Variants in HS3ST4 observed in about 807,000 individuals in gnomAD.
HS3ST4 encodes the protein heparan sulfate-glucosamine 3-sulfotransferase 4.
HS3ST4 carries 17 observed loss-of-function variants against 29.2 expected under a neutral mutation model. The observed-to-expected ratio is 0.58, with a 90% CI of 0.40 to 0.87. HS3ST4 has a LOEUF of 0.87. HS3ST4 is among the 40% of genes least tolerant of loss of function. The pLI is 0.00. For synonymous variants in HS3ST4, 314 were observed against 285.7 expected (o/e 1.10, Z -1.00); for missense variants, 627 against 634.5 (o/e 0.99, Z 0.13).
chr16:25,873,723 T>G (rs953133491), intron 1 of HS3ST4, among the ~76,000 whole-genome samples: 3 of 151,746 alleles, frequency 2.0e-5, no homozygotes, highest in African/African-American at 7.3e-5. Flanking sequence ...CATCTATCCA[T>G]CCATCCAGCT....
intron 1 of HS3ST4, among the ~76,000 whole-genome samples, chr16:25,843,541 A>G (rs1386258818): frequency 6.6e-6 from 1 of 152,190 alleles, no homozygotes; most frequent in Non-Finnish European, 1.5e-5. Flanking sequence ...GGAGGAAGCT[A>G]TATTTGGGCA....
intron 1 of HS3ST4, among the ~76,000 whole-genome samples, chr16:25,744,354 A>G (rs1400753396): frequency 1.3e-5 from 2 of 152,216 alleles, no homozygotes; most frequent in Non-Finnish European, 1.5e-5. Flanking sequence ...GTCACCTAGT[A>G]CACTGGATAA....
At chr16:26,003,033 G>T (rs756114482) in intron 1 of HS3ST4, among the ~76,000 whole-genome samples, 1 of 151,286 alleles carries the variant, frequency 6.6e-6, no homozygotes, top group Non-Finnish European at 1.5e-5. Flanking sequence ...GTTTTGACAC[G>T]CTTGGCAGGT....
At chr16:25,758,996 A>G (rs1966773945) in intron 1 of HS3ST4, among the ~76,000 whole-genome samples, 1 of 151,574 alleles carries the variant, frequency 6.6e-6, no homozygotes, top group African/African-American at 2.4e-5. Context: ...AAACCCCAGA[A>G]AAACAAAAAA....
intron 1 of HS3ST4, among the ~76,000 whole-genome samples, chr16:26,042,231 G>A (rs1212455008): frequency 6.6e-6 from 1 of 152,172 alleles, no homozygotes; most frequent in Non-Finnish European, 1.5e-5. Context: ...AAGAAAGAAA[G>A]CTATCCCTTC....
intron 1 of HS3ST4, among the ~76,000 whole-genome samples, chr16:25,857,892 T>TTCTTTTTCTTTC (rs746061513): frequency 1.2e-5 from 1 of 82,684 alleles, no homozygotes; most frequent in Non-Finnish European, 2.5e-5. Context: ...CTTTCTTTCT[T>TTCTTTTTCTTTC]TTTCTTTCTT....
At chr16:25,822,691 G>A (rs1296349386) in intron 1 of HS3ST4, among the ~76,000 whole-genome samples, 2 of 152,054 alleles carry the variant, frequency 1.3e-5, no homozygotes, top group African/African-American at 4.8e-5. Flanking sequence ...CATATTTGGA[G>A]GGTGGGTGGG....
intron 1 of HS3ST4, among the ~76,000 whole-genome samples, chr16:26,018,934 A>G (rs1969386091): frequency 6.6e-6 from 1 of 151,746 alleles, no homozygotes; most frequent in African/African-American, 2.4e-5. Flanking sequence ...GTTCTTGATC[A>G]TCTTTCAGTT....
intron 1 of HS3ST4, among the ~76,000 whole-genome samples, chr16:25,786,196 G>A (rs531455166): frequency 8.5e-5 from 13 of 152,278 alleles, no homozygotes; most frequent in African/African-American, 2.2e-4. Context: ...GCATTATTGC[G>A]CAGGGTAGAA....
chr16:25,884,099 G>A (rs1205976751), intron 1 of HS3ST4, among the ~76,000 whole-genome samples: 1 of 151,660 alleles, frequency 6.6e-6, no homozygotes. Context: ...GGTGACAAGA[G>A]CGAGACTCTG....
At chr16:25,771,300 A>T (rs558194657) in intron 1 of HS3ST4, among the ~76,000 whole-genome samples, 15 of 152,242 alleles carry the variant, frequency 9.9e-5, no homozygotes, top group African/African-American at 3.6e-4. Context: ...GACTTGGTAG[A>T]GTAGGGCCAA....
At chr16:25,715,758 G>A (rs1966449975) in intron 1 of HS3ST4, among the ~76,000 whole-genome samples, 1 of 152,216 alleles carries the variant, frequency 6.6e-6, no homozygotes, top group Admixed American at 6.5e-5. Context: ...GACAGATGGA[G>A]ATGCCCTCAG....
At chr16:26,089,704 G>T (rs892485736) in intron 1 of HS3ST4, among the ~76,000 whole-genome samples, 11 of 152,168 alleles carry the variant, frequency 7.2e-5, no homozygotes, top group African/African-American at 2.2e-4. Flanking sequence ...GTCACTTAAG[G>T]CCCGTTGTTT....
At chr16:26,091,307 T>C (rs955517867) in intron 1 of HS3ST4, among the ~76,000 whole-genome samples, 6 of 152,184 alleles carry the variant, frequency 3.9e-5, no homozygotes, top group African/African-American at 7.2e-5. Context: ...GGTGTGTTGT[T>C]GGATAGATTA....
At chr16:25,849,699 G>T (rs1317580597) in intron 1 of HS3ST4, among the ~76,000 whole-genome samples, 1 of 152,038 alleles carries the variant, frequency 6.6e-6, no homozygotes, top group East Asian at 1.9e-4. Flanking sequence ...TAGAGACGGG[G>T]TCTCACCATG....
chr16:26,102,698 C>A (rs913756550), intron 1 of HS3ST4, among the ~76,000 whole-genome samples: 6 of 152,176 alleles, frequency 3.9e-5, no homozygotes, highest in African/African-American at 1.4e-4. Context: ...TGGGTTTTAG[C>A]TTATTTGCTC....
intron 1 of HS3ST4, among the ~76,000 whole-genome samples, chr16:26,005,170 A>G (rs1169081882): frequency 6.6e-6 from 1 of 152,198 alleles, no homozygotes; most frequent in Non-Finnish European, 1.5e-5. Context: ...TTTGTCCTAG[A>G]GCTAGCAAAA....
At chr16:25,973,991 G>A (rs1454481691) in intron 1 of HS3ST4, among the ~76,000 whole-genome samples, 1 of 152,142 alleles carries the variant, frequency 6.6e-6, no homozygotes, top group Non-Finnish European at 1.5e-5. Flanking sequence ...GTCTGCATGA[G>A]AATTATACAT....
At chr16:25,949,050 A>C (rs1968658324) in intron 1 of HS3ST4, among the ~76,000 whole-genome samples, 1 of 52,724 alleles carries the variant, frequency 1.9e-5, no homozygotes, top group African/African-American at 1.3e-4. Flanking sequence ...GTTATCTGGT[A>C]ATTTTTTTTT....
Sources: allele counts gnomAD v4.1 joint callset (sites outside exome capture counted in the v4.1 genomes callset), GRCh38; gene constraint gnomAD v4.1.1; transcripts MANE v1.5; gene names NCBI Gene and HGNC (gene_info 2026-07-23, HGNC 2026-07-21).